The following RTL1 variants were observed in gnomAD, a reference collection of about 807,000 sequenced individuals.
RTL1 encodes retrotransposon-like protein 1.
For missense variants in RTL1, 1,681 were observed against 1,767.5 expected, an observed-to-expected ratio of 0.95 and a Z score of 0.88; for synonymous variants, 727 against 748.4, an observed-to-expected ratio of 0.97 and a Z score of 0.47.
intron 2 of RTL1, among the ~76,000 whole-genome samples, chr14:100,896,079 A>G (rs2038851714): frequency 6.6e-6 from 1 of 152,114 alleles, no homozygotes; most frequent in Admixed American, 6.5e-5. Flanking sequence ...TCAAAAAAAA[A>G]AAAAAGAAAG....
Position 100,883,674 on chromosome 14 carries a change from G to A in RTL1, c.1115C>T (p.Pro372Leu). 1 of 1,551,604 alleles carries A rather than the reference G, an allele frequency of 6.4e-7. No homozygotes were observed. ...AERRAMLRLP[P>L]EARPRNLTWI... ...GGTCAGGTTCCGGGGGCGGGCCTCG[G>A]GGGGCAGCCTGAGCATAGCTCTTCT... The change falls in exon 4 of 4, where the codon CCC becomes CTC. Residue 372 changes from proline (P) to leucine (L), a missense_variant. Physicochemically the swap from Pro to Leu is moderately conservative, Grantham distance 98 (BLOSUM62 -3). Coordinates refer to ENST00000649591, the MANE Select transcript of RTL1 (RefSeq NM_001134888.3). The surrounding 1 kb of genome is among the most constrained non-coding windows in gnomAD (Gnocchi z 5.9).
intron 2 of RTL1, chr14:100,897,751 C>CGGGGGGGGGGTGGG (rs2038882182): frequency 2.0e-5 from 1 of 49,810 alleles, no homozygotes; most frequent in Non-Finnish European, 3.8e-5. Flanking sequence ...CCCTGGTTGG[C>CGGGGGGGGGGTGGG]GGGGGGGGGG....
intron 2 of RTL1, chr14:100,897,782 G>GGGA (rs2038887431): frequency 1.8e-5 from 3 of 168,974 alleles, no homozygotes; most frequent in African/African-American, 9.3e-5. Flanking sequence ...GGGGGGCGGG[G>GGGA]GGGGGCAGTG....
chr14:100,888,631 A>G (rs1482582582), intron 3 of RTL1, among the ~76,000 whole-genome samples: 1 of 152,244 alleles, frequency 6.6e-6, no homozygotes, highest in Admixed American at 6.5e-5. Context: ...AATTCTTAGC[A>G]TAAAATGTGA....
At chr14:100,892,897 T>C (rs1361922954) in intron 3 of RTL1, among the ~76,000 whole-genome samples, 1 of 152,120 alleles carries the variant, frequency 6.6e-6, no homozygotes, top group African/African-American at 2.4e-5. Flanking sequence ...TTGGGGGATG[T>C]GCTGCCGTCT....
At chr14:100,885,011 C>T (rs190507383) in intron 3 of RTL1, among the ~76,000 whole-genome samples, 137 bp from the exon 4 acceptor site, 16 of 152,336 alleles carry the variant, frequency 1.1e-4, no homozygotes, top group African/African-American at 3.4e-4. Flanking sequence ...CTTCTTGTAT[C>T]GAGCCAGCCT....
In RTL1 at chr14:100,883,362, G is replaced by A; in HGVS notation, c.1427C>T (p.Thr476Met). 2.6e-6 allele frequency: 4 copies of A among 1,551,378 alleles called. No individual in the cohort carries two copies. Among genetic ancestry groups the A allele is most frequent in the Non-Finnish European group, 3.5e-6 (4 of 1,146,828 alleles). ...CTGGTGGATACACACCAGGGGCTCC[G>A]TGTAGAGCCAGACAGGCTCGTTGCC... ...LIGNEPVWLY[T>M]EPLVCIHQNH... The change falls in exon 4 of 4, where the codon ACG becomes ATG. Residue 476 changes from threonine (T) to methionine (M), a missense_variant. Physicochemically the swap from Thr to Met is moderately conservative, Grantham distance 81. Coordinates refer to ENST00000649591, the MANE Select transcript of RTL1 (RefSeq NM_001134888.3). This position sits in a 1 kb window ranked among gnomAD's most constrained non-coding sequence, Gnocchi z 5.9.
intron 2 of RTL1, among the ~76,000 whole-genome samples, chr14:100,901,741 T>C (rs1320097225): frequency 6.6e-6 from 1 of 152,012 alleles, no homozygotes; most frequent in Non-Finnish European, 1.5e-5. Context: ...CTAGGTGTTC[T>C]GGCCCTCAAG....
At position 100,881,333 on chromosome 14, in the gene RTL1, G is replaced by A. The variant is rs1217033791; in HGVS notation, c.3456C>T (p.Leu1152=). The A allele has an allele frequency of 1.7e-5, 26 of 1,550,628 alleles. No individual in the cohort carries two copies. The highest frequency in any genetic ancestry group is 1.4e-4 in the African/African-American group (10 of 73,178). The change falls in exon 4 of 4, where the codon CTC becomes CTT. Residue 1152 remains leucine (L), a synonymous_variant. Transcript: ENST00000649591. The surrounding 1 kb of genome is among the most constrained non-coding windows in gnomAD (Gnocchi z 6.6). ...GGGCTGGGATGGTGTTTGCACCTAC[G>A]AGAGCGGGCATCTGGGTGAGCAGCT... ...ITQLLTQMPA[L]VGANTIPAQE... is the part of the protein sequence containing the mutation.
At chr14:100,894,309 C>CAAAAAAAAAAAAAAAAA (rs562868034) in intron 2 of RTL1, among the ~76,000 whole-genome samples, 1 of 72,472 alleles carries the variant, frequency 1.4e-5, no homozygotes, top group Non-Finnish European at 3.2e-5. Flanking sequence ...AACTCCGTCT[C>CAAAAAAAAAAAAAAAAA]AAAAAAAAAA....
chr14:100,881,349 G>C lies in RTL1; in HGVS notation c.3440C>G (p.Thr1147Ser). 5.8e-6 allele frequency: 9 copies of C among 1,550,632 alleles called. No individual in the cohort carries two copies. Among genetic ancestry groups the C allele is most frequent in the Non-Finnish European group, 7.8e-6 (9 of 1,146,996 alleles). ...SITTAITQLL[T>S]QMPALVGANT... Reference sequence around the variant, plus strand: ...TGCACCTACGAGAGCGGGCATCTGGGTGAGCAGCTGGGTGATGGCTGTCGT... The same window carrying C: ...TGCACCTACGAGAGCGGGCATCTGGCTGAGCAGCTGGGTGATGGCTGTCGT... The change falls in exon 4 of 4, where the codon ACC becomes AGC. Residue 1147 changes from threonine to serine, a missense_variant. By Grantham distance (58) the Thr-to-Ser change is moderately conservative (BLOSUM62 1). Coordinates refer to ENST00000649591, the MANE Select transcript of RTL1 (RefSeq NM_001134888.3). This position sits in a 1 kb window ranked among gnomAD's most constrained non-coding sequence, Gnocchi z 6.6.
chr14:100,899,778 C>T (rs1019291439), intron 2 of RTL1, among the ~76,000 whole-genome samples: 8 of 151,030 alleles, frequency 5.3e-5, no homozygotes, highest in East Asian at 1.9e-4. Flanking sequence ...GAGGAAATAA[C>T]GCAAATAAAT....
chr14:100,899,944 G>C (rs2038919409), intron 2 of RTL1, among the ~76,000 whole-genome samples: 1 of 152,178 alleles, frequency 6.6e-6, no homozygotes, highest in South Asian at 2.1e-4. Flanking sequence ...ATGCCAGAGA[G>C]AGTGTGAGGG....
rs1256630342 is a variant in RTL1 at position 100,881,253 on chromosome 14, T to C, written c.3536A>G (p.His1179Arg). 6.5e-7 allele frequency: 1 copy of C among 1,548,954 alleles called. No individual in the cohort carries two copies. ...GPGRWQRNAL[H>R]SQAHRGLQFT... ...CTGCAGGCCTCGGTGGGCCTGGGAG[T>C]GCAGAGCATTTCGCTGCCAGCGGCC... is the stretch of plus-strand genomic sequence containing the variant. The change falls in exon 4 of 4, where the codon CAC becomes CGC. Residue 1179 changes from histidine to arginine, a missense_variant. His to Arg is a conservative substitution (Grantham distance 29, BLOSUM62 0). Transcript: ENST00000649591. This position sits in a 1 kb window ranked among gnomAD's most constrained non-coding sequence, Gnocchi z 6.6.
Position 100,882,839 on chromosome 14 carries a change from A to T in RTL1, c.1950T>A (p.Ile650=), listed in dbSNP as rs1386893683. ...LTNRQDYIQM[I]PELFDQLHGA... is the part of the protein sequence containing the mutation. ...CGTGTAACTGGTCAAACAGTTCCGG[A>T]ATCATCTGTATGTAGTCCTGTCTGT... The change falls in exon 4 of 4, where the codon ATT becomes ATA. Residue 650 remains isoleucine (I), a synonymous_variant. Transcript: ENST00000649591. 3.2e-6 allele frequency: 5 copies of T among 1,553,796 alleles called. No homozygotes were observed. The highest frequency in any genetic ancestry group is 8.7e-7 in the Non-Finnish European group (1 of 1,147,710).
Position 100,879,957 on chromosome 14 carries a change from T to C in RTL1, c.*755A>G, listed in dbSNP as rs2038583334. Among the ~76,000 whole-genome samples the C allele has an allele frequency of 6.6e-6, 1 of 151,870 alleles. No homozygotes were observed. The highest frequency in any genetic ancestry group is 2.1e-4 in the South Asian group (1 of 4,808). On this transcript the variant is annotated 3_prime_UTR_variant, in exon 4 of 4. Transcript: ENST00000649591. ...CCTGCACCCCTGCACTGTCCAGTGT[T>C]CAGTGTTGGGAGGGAAAGGCGCCCC...
rs1317899962 is a variant in RTL1, at chr14:100,883,558, G to T, written c.1231C>A (p.Leu411Met). 1 of 1,551,412 alleles carries T rather than the reference G, an allele frequency of 6.4e-7. No individual in the cohort carries two copies. Among genetic ancestry groups the T allele is most frequent in the African/African-American group, 1.4e-5 (1 of 73,052 alleles). The change falls in exon 4 of 4, where the codon CTG becomes ATG. Residue 411 changes from leucine to methionine, a missense_variant. Transcript: ENST00000649591. The surrounding 1 kb of genome is among the most constrained non-coding windows in gnomAD (Gnocchi z 5.9). Reference protein sequence around the residue: ...HPDINRAHLFLLLMVRVNPYH... With the variant: ...HPDINRAHLFMLLMVRVNPYH... ...GGGTTCACTCTCACCATGAGCAGCA[G>T]GAAGAGGTGGGCGCGATTGATGTCC...
At chr14:100,895,588 G>T (rs566064371) in intron 2 of RTL1, among the ~76,000 whole-genome samples, 67 of 152,238 alleles carry the variant, frequency 4.4e-4, no homozygotes, top group African/African-American at 1.4e-3. Context: ...AGCAGGGTCG[G>T]GGTGGAGGGG....
rs539816226 is a variant in RTL1, at chr14:100,900,437, G to A, written c.-149+2854C>T. ...ATGTTTGATTTGTTTACTCGGGAGC[G>A]TGAGCCTGGTCAGGCACATGTCTGA... On this transcript the variant is annotated intron_variant, in intron 2 of 3. Transcript: ENST00000649591. Among the ~76,000 whole-genome samples, 6 of 152,352 alleles carry A rather than the reference G, an allele frequency of 3.9e-5. No homozygotes were observed. The South Asian group carries it at 8.3e-4, about 21-fold the overall frequency.
Sources: allele counts gnomAD v4.1 joint callset (sites outside exome capture counted in the v4.1 genomes callset), GRCh38; gene constraint gnomAD v4.1.1; non-coding constraint Gnocchi (gnomAD v3.1); transcripts MANE v1.5; gene names NCBI Gene and HGNC (gene_info 2026-07-23, HGNC 2026-07-21).